Variants in DACH1 observed in about 807,000 individuals in gnomAD.
DACH1 encodes dachshund family transcription factor 1.
DACH1 carries 12 observed loss-of-function variants against 54.2 expected under a neutral mutation model. The ratio of observed to expected loss-of-function variants is 0.22; its 90% CI spans 0.14 to 0.36. The LOEUF is 0.36. Ranked by LOEUF, DACH1 falls within the 10% of genes least tolerant of loss-of-function variation. DACH1 has a pLI of 1.00. For missense variants in DACH1, 805 were observed against 929.8 expected, an observed-to-expected ratio of 0.87 and a Z score of 1.75; for synonymous variants, 386 against 366.2, an observed-to-expected ratio of 1.05 and a Z score of -0.62.
intron 7 of DACH1, among the ~76,000 whole-genome samples, chr13:71,479,782 C>T (rs1877875573): frequency 6.6e-6 from 1 of 152,150 alleles, no homozygotes; most frequent in Non-Finnish European, 1.5e-5. Context: ...AGCACATAGC[C>T]ACAATGGTCT....
At chr13:71,641,536 T>A (rs1376549910) in intron 2 of DACH1, among the ~76,000 whole-genome samples, 1 of 152,154 alleles carries the variant, frequency 6.6e-6, no homozygotes, top group Non-Finnish European at 1.5e-5. Context: ...AGGCCAGTTG[T>A]AGTGCTTTGA....
Position 71,440,506 on chromosome 13 carries a change from TGTAGAATACTTAAAC to T in DACH1, c.*134_*148del. 1.3e-4 allele frequency: 80 copies of T among 609,200 alleles called. No individual in the cohort carries two copies. Among genetic ancestry groups the T allele is most frequent in the Admixed American group, 4.1e-4 (11 of 27,140 alleles). 37.7% of individuals were successfully genotyped at this position (609,200 alleles called of 1,614,324 possible). On this transcript the variant is annotated 3_prime_UTR_variant, in exon 11 of 11. Transcript: ENST00000613252. ...CAATGGAGAAAACTTTTTTTTTTTT[TGTAGAATACTTAAAC>T]TTTTAAAGAACATTAATACACAAAA...
chr13:71,484,693 T>G (rs969960889), intron 7 of DACH1, among the ~76,000 whole-genome samples: 12 of 152,222 alleles, frequency 7.9e-5, no homozygotes, highest in African/African-American at 2.9e-4. Flanking sequence ...TGTAAGCCAC[T>G]TTTTAAAGCC....
At position 71,475,143 on chromosome 13, in the gene DACH1, T is replaced by C; in HGVS notation, c.2081A>G (p.Gln694Arg). Residue 694 changes from glutamine to arginine, a missense_variant and splice_region_variant, in exon 10 of 11, where the codon CAA (glutamine) becomes CGA (arginine). Physicochemically the swap from Gln to Arg is conservative, Grantham distance 43. This residue lies in a region of DACH1 where 472 missense variants were observed against 545.3 expected (regional missense o/e 0.87). Coordinates refer to ENST00000613252, the MANE Select transcript of DACH1 (RefSeq NM_080759.6). ...GGRTDAERTI[Q>R]DGRLYLKTTV... is the part of the protein sequence containing the mutation. The stretch of plus-strand genomic sequence containing the variant: ...TATAGCCTTCTGCAAATTCCTACCT[T>C]GTATTGTCCTTTCAGCATCTGTTCT... 3 of 1,613,780 alleles carry C rather than the reference T, an allele frequency of 1.9e-6. No individual in the cohort carries two copies. Among genetic ancestry groups the C allele is most frequent in the Middle Eastern group, 1.7e-4 (1 of 6,060 alleles).
intron 1 of DACH1, among the ~76,000 whole-genome samples, chr13:71,843,279 CATTT>C (rs372439411): frequency 7.9e-5 from 12 of 151,804 alleles, no homozygotes; most frequent in African/African-American, 2.9e-4. Flanking sequence ...TGTATTTATT[CATTT>C]GAGACAGGGT....
intron 2 of DACH1, 89 bp from the exon 3 acceptor site, chr13:71,630,806 T>C: frequency 7.3e-7 from 1 of 1,370,532 alleles, no homozygotes; most frequent in Non-Finnish European, 9.5e-7. Flanking sequence ...CATACAAACA[T>C]TTATTAGAGT....
chr13:71,684,067 T>C (rs1332021644), intron 1 of DACH1, among the ~76,000 whole-genome samples: 1 of 152,056 alleles, frequency 6.6e-6, no homozygotes, highest in Non-Finnish European at 1.5e-5. Flanking sequence ...TCAAATATTA[T>C]CTTTCTGAGG....
At chr13:71,754,106 CT>C (rs1403992130) in intron 1 of DACH1, among the ~76,000 whole-genome samples, 4 of 152,058 alleles carry the variant, frequency 2.6e-5, no homozygotes, top group African/African-American at 7.2e-5. Context: ...TCCATTTTCT[CT>C]TTTTTTCATA....
chr13:71,764,613 A>T (rs764283943), intron 1 of DACH1, among the ~76,000 whole-genome samples: 45 of 152,230 alleles, frequency 3.0e-4, no homozygotes, highest in Non-Finnish European at 6.0e-4. Context: ...GTAGTTCACT[A>T]GGGTATAAGT....
At chr13:71,449,118 T>C (rs1444995843) in intron 10 of DACH1, among the ~76,000 whole-genome samples, 1 of 152,104 alleles carries the variant, frequency 6.6e-6, no homozygotes, top group African/African-American at 2.4e-5. Context: ...GGCAGGCAGA[T>C]GGCCCGAGGT....
chr13:71,731,915 G>T (rs923089187), intron 1 of DACH1, among the ~76,000 whole-genome samples: 1 of 152,124 alleles, frequency 6.6e-6, no homozygotes, highest in Non-Finnish European at 1.5e-5. Flanking sequence ...GCTTCATTAT[G>T]CTGTCTCTTC....
At chr13:71,661,348 T>C (rs1161205823) in intron 2 of DACH1, among the ~76,000 whole-genome samples, 1 of 151,668 alleles carries the variant, frequency 6.6e-6, no homozygotes, top group South Asian at 2.1e-4. Context: ...CTTAAATCTG[T>C]CAAAGGACAA....
At chr13:71,833,070 G>A (rs950969770) in intron 1 of DACH1, among the ~76,000 whole-genome samples, 2 of 151,916 alleles carry the variant, frequency 1.3e-5, no homozygotes, top group Non-Finnish European at 2.9e-5. Flanking sequence ...TGAGATCTAT[G>A]TGAATAGAAC....
rs1019949295 is a variant in DACH1 at position 71,534,198 on chromosome 13, G to A, written c.1570+22826C>T. Among the ~76,000 whole-genome samples, 18 of 151,982 alleles carry A rather than the reference G, an allele frequency of 1.2e-4. 1 individual carries two copies. Among genetic ancestry groups the A allele is most frequent in the Admixed American group, 7.9e-4 (12 of 15,230 alleles). On this transcript the variant is annotated intron_variant, in intron 6 of 10. Transcript: ENST00000613252. ...AGTCTTTGAAATGTTCTCTCAATGT[G>A]AGGCAATATTTTTTATGTTGATTTA...
chr13:71,552,838 TATATAGAGAGAGAGAGAGAGAG>T (rs1883955095), intron 6 of DACH1, among the ~76,000 whole-genome samples: 1 of 21,626 alleles, frequency 4.6e-5, no homozygotes, highest in African/African-American at 2.0e-4. Context: ...TATATATATA[TATATAGAGAGAGAGAGAGAGAG>T]AGAGAGAGAG....
intron 1 of DACH1, among the ~76,000 whole-genome samples, chr13:71,717,188 T>A (rs1242555578): frequency 1.3e-5 from 2 of 152,094 alleles, no homozygotes; most frequent in African/African-American, 2.4e-5. Context: ...AATACACAAT[T>A]TTGTGTGCTA....
At chr13:71,529,774 C>T (rs1054847818) in intron 6 of DACH1, among the ~76,000 whole-genome samples, 3 of 152,152 alleles carry the variant, frequency 2.0e-5, no homozygotes, top group South Asian at 2.1e-4. Flanking sequence ...AAACAACCTC[C>T]ATGTTGTTTG....
At chr13:71,706,195 A>G (rs1276167420) in intron 1 of DACH1, among the ~76,000 whole-genome samples, 1 of 151,858 alleles carries the variant, frequency 6.6e-6, no homozygotes, top group Non-Finnish European at 1.5e-5. Context: ...ATTATGTACA[A>G]CTTCCTTGAT....
At chr13:71,782,023 A>G (rs1403530046) in intron 1 of DACH1, among the ~76,000 whole-genome samples, 1 of 152,220 alleles carries the variant, frequency 6.6e-6, no homozygotes, top group Non-Finnish European at 1.5e-5. Context: ...AGTAAAATAT[A>G]TCTCCAAAGC....
Sources: gnomAD v4.1 joint callset for allele counts (sites outside exome capture counted in the v4.1 genomes callset) on GRCh38, gnomAD v4.1.1 for gene constraint, gnomAD v4.1.1 regional missense constraint, MANE v1.5 for transcripts, NCBI Gene and HGNC (gene_info 2026-07-23, HGNC 2026-07-21) for gene names.